ACBD6: variants seen among roughly 807,000 people sequenced by gnomAD.
ACBD6 encodes acyl-CoA binding domain containing 6.
ACBD6 carries 28 observed loss-of-function variants against 37.2 expected under a neutral mutation model. The ratio of observed to expected loss-of-function variants is 0.75; its 90% CI spans 0.56 to 1.03. The LOEUF is 1.03. Among genes scored for constraint, ACBD6 ranks in the 50% least tolerant of loss-of-function variants. The pLI is 0.00. For synonymous variants in ACBD6, 113 were observed against 126.8 expected, an observed-to-expected ratio of 0.89 and a Z score of 0.73; for missense variants, 340 against 337.4, an observed-to-expected ratio of 1.01 and a Z score of -0.06.
chr1:180,319,915 CT>C (rs1650992718), intron 6 of ACBD6, among the ~76,000 whole-genome samples: 1 of 152,178 alleles, frequency 6.6e-6, no homozygotes, highest in African/African-American at 2.4e-5. Context: ...CTGATGGACA[CT>C]TAGGTTGCCT....
At chr1:180,399,777 T>A (rs1348727746) in intron 5 of ACBD6, among the ~76,000 whole-genome samples, 1 of 152,208 alleles carries the variant, frequency 6.6e-6, no homozygotes, top group Non-Finnish European at 1.5e-5. Context: ...TACAGGTCCA[T>A]GTTATTGTTT....
chr1:180,403,476 G>A (rs941200161), intron 5 of ACBD6, among the ~76,000 whole-genome samples: 12 of 152,180 alleles, frequency 7.9e-5, no homozygotes, highest in African/African-American at 2.9e-4. Context: ...TGAATGTCTA[G>A]ATATTGATAA....
intron 6 of ACBD6, among the ~76,000 whole-genome samples, chr1:180,393,578 T>C (rs1370997647): frequency 6.6e-6 from 1 of 152,204 alleles, no homozygotes; most frequent in African/African-American, 2.4e-5. Flanking sequence ...CATGAGGAGA[T>C]GAACCTTTCC....
intron 6 of ACBD6, among the ~76,000 whole-genome samples, chr1:180,340,872 G>A (rs907004307): frequency 6.6e-6 from 1 of 152,046 alleles, no homozygotes. Context: ...CAGTTAAACG[G>A]GAAGGAAGGT....
At position 180,301,949 on chromosome 1, in the gene ACBD6, G is replaced by A. The variant is rs566198094; in HGVS notation, c.694+12743C>T. Among the ~76,000 whole-genome samples the A allele has an allele frequency of 7.9e-5, 12 of 151,142 alleles. No homozygotes were observed. The East Asian group carries it at 1.2e-3, about 15-fold the overall frequency. On this transcript the variant is annotated intron_variant, in intron 7 of 7. Coordinates refer to ENST00000367595, the MANE Select transcript of ACBD6 (RefSeq NM_032360.4). ...GATTTAATATTGCATTTTTACAATC[G>A]TTTACACTTTTCTCAGCTTTGGTGC...
At chr1:180,458,770 T>C (rs1303640247) in intron 3 of ACBD6, among the ~76,000 whole-genome samples, 2 of 152,138 alleles carry the variant, frequency 1.3e-5, no homozygotes, top group African/African-American at 4.8e-5. Flanking sequence ...ATTCATAATA[T>C]TGGGAAGAGA....
downstream of ACBD6, among the ~76,000 whole-genome samples, chr1:180,283,790 A>G (rs1233853445): frequency 6.6e-6 from 1 of 152,186 alleles, no homozygotes; most frequent in African/African-American, 2.4e-5. Flanking sequence ...CAAAATCCTA[A>G]ATGCTCCAAA....
chr1:180,443,531 A>G (rs1357007971), intron 3 of ACBD6, among the ~76,000 whole-genome samples: 2 of 152,190 alleles, frequency 1.3e-5, no homozygotes, highest in Non-Finnish European at 2.9e-5. Flanking sequence ...CTGCCAGGCC[A>G]TTTTGGGATC....
At chr1:180,382,407 C>A (rs1653691185) in intron 6 of ACBD6, among the ~76,000 whole-genome samples, 1 of 151,970 alleles carries the variant, frequency 6.6e-6, no homozygotes, top group African/African-American at 2.4e-5. Context: ...AAAGGATCAA[C>A]AGAGACAATT....
intron 6 of ACBD6, among the ~76,000 whole-genome samples, chr1:180,372,326 T>C (rs1653291875): frequency 6.6e-6 from 1 of 152,164 alleles, no homozygotes; most frequent in Admixed American, 6.5e-5. Context: ...TTTGCTGAAG[T>C]AGATTAAATA....
chr1:180,292,284 TGA>T (rs1435449322), intron 7 of ACBD6, among the ~76,000 whole-genome samples: 1 of 152,218 alleles, frequency 6.6e-6, no homozygotes, highest in Non-Finnish European at 1.5e-5. Flanking sequence ...TGAACAATAC[TGA>T]GTCTTTTGAT....
rs779645328 is a variant in ACBD6, at chr1:180,303,498, A to C, written c.694+11194T>G. On this transcript the variant is annotated intron_variant, in intron 7 of 7. Coordinates refer to ENST00000367595, the MANE Select transcript of ACBD6 (RefSeq NM_032360.4). The stretch of plus-strand genomic sequence containing the variant: ...AACACCTCTACGCAAATAAACTAGA[A>C]AATCTAGAAGAAATGGATAAATTCC... 1.9e-4 allele frequency among the ~76,000 whole-genome samples: 29 copies of C among 151,030 alleles called. 1 individual carries two copies. Among genetic ancestry groups the C allele is most frequent in the Non-Finnish European group, 3.3e-4 (22 of 67,572 alleles).
intron 3 of ACBD6, among the ~76,000 whole-genome samples, chr1:180,440,168 G>A (rs1571514143): frequency 6.6e-6 from 1 of 152,052 alleles, no homozygotes; most frequent in African/African-American, 2.4e-5. Context: ...GAGTGCAGTG[G>A]TGCAATCTCA....
chr1:180,348,864 T>C (rs907484370), intron 6 of ACBD6, among the ~76,000 whole-genome samples: 6 of 152,256 alleles, frequency 3.9e-5, no homozygotes, highest in African/African-American at 1.2e-4. Flanking sequence ...TATGACAAAC[T>C]TATTAGGCAA....
intron 7 of ACBD6, among the ~76,000 whole-genome samples, chr1:180,298,488 T>G (rs995165383): frequency 6.6e-6 from 1 of 152,180 alleles, no homozygotes; most frequent in African/African-American, 2.4e-5. Context: ...GGGACATTAA[T>G]TACATTTATG....
At chr1:180,271,776 G>A in exon 14 of ACBD6, 1 of 1,593,698 alleles carries the variant, frequency 6.3e-7, no homozygotes, top group Non-Finnish European at 8.6e-7. Context: ...AGGGGGTCCT[G>A]GGGGCTTTGG....
intron 2 of ACBD6, among the ~76,000 whole-genome samples, chr1:180,493,399 C>G (rs1327859398): frequency 6.6e-6 from 1 of 151,970 alleles, no homozygotes; most frequent in Non-Finnish European, 1.5e-5. Flanking sequence ...GCCCCCACAA[C>G]AGGCTGCCAG....
exon 14 of ACBD6, chr1:180,270,338 C>T (rs357044): frequency 0.85 from 129,588 of 152,290 alleles, 55,862 homozygotes; most frequent in Non-Finnish European, 0.92. Context: ...ACAGAGACAC[C>T]TTCTGGGGCA....
exon 14 of ACBD6, chr1:180,271,735 C>G: frequency 7.1e-7 from 1 of 1,404,444 alleles, no homozygotes; most frequent in East Asian, 2.3e-5. Flanking sequence ...GTGCTCCATT[C>G]AGGCTTCAGT....
Sources: allele counts gnomAD v4.1 joint callset (sites outside exome capture counted in the v4.1 genomes callset), GRCh38; gene constraint gnomAD v4.1.1; transcripts MANE v1.5; gene names NCBI Gene and HGNC (gene_info 2026-07-23, HGNC 2026-07-21).